The following INVS variants were observed in gnomAD, a reference collection of about 807,000 sequenced individuals.
INVS encodes inversion of embryo turning homolog.
Under a neutral mutation model 108.8 loss-of-function variants are expected in INVS, and 86 were observed. That is an observed-to-expected ratio of 0.79 (90% CI 0.66 to 0.95). The LOEUF is 0.95. INVS is among the 40% of genes least tolerant of loss of function. The pLI, the probability that INVS is intolerant of heterozygous loss-of-function variation, is 0.00. For missense variants in INVS, 1,169 were observed against 1,297.4 expected (o/e 0.90, Z 1.52); for synonymous variants, 455 against 473.5 (o/e 0.96, Z 0.51).
chr9:100,113,489 A>G (rs1015243683), intron 2 of INVS, among the ~76,000 whole-genome samples: 1 of 152,184 alleles, frequency 6.6e-6, no homozygotes, highest in African/African-American at 2.4e-5. Flanking sequence ...ATATATGTCG[A>G]AGTATTGCAA....
At chr9:100,229,145 G>A (rs935877181) in intron 4 of INVS, among the ~76,000 whole-genome samples, 1 of 152,120 alleles carries the variant, frequency 6.6e-6, no homozygotes, top group Admixed American at 6.5e-5. Flanking sequence ...TTCTTATTAA[G>A]TTGAGAGCTT....
chr9:100,243,136 T>C (rs1252223155), intron 7 of INVS, among the ~76,000 whole-genome samples: 1 of 152,172 alleles, frequency 6.6e-6, no homozygotes, highest in Non-Finnish European at 1.5e-5. Flanking sequence ...GAATACTTCA[T>C]CTTTATATTA....
At chr9:100,120,654 T>C (rs137973803) in intron 2 of INVS, 30 of 152,372 alleles carry the variant, frequency 2.0e-4, no homozygotes, top group African/African-American at 7.2e-4. Flanking sequence ...TTTCCTCTCC[T>C]CCTGTAAGGC....
intron 13 of INVS, among the ~76,000 whole-genome samples, chr9:100,289,308 C>G (rs773097803): frequency 2.6e-5 from 4 of 152,234 alleles, no homozygotes; most frequent in Non-Finnish European, 5.9e-5. Flanking sequence ...GCTCTTCGAG[C>G]CTTCACCAGC....
chr9:100,250,241 A>G (rs1406298461), intron 8 of INVS, among the ~76,000 whole-genome samples: 1 of 152,224 alleles, frequency 6.6e-6, no homozygotes, highest in African/African-American at 2.4e-5. Flanking sequence ...ATTCAAAAGT[A>G]GACAGTTGTC....
chr9:100,122,823 A>T (rs913049549), intron 2 of INVS, among the ~76,000 whole-genome samples: 4 of 151,764 alleles, frequency 2.6e-5, no homozygotes, highest in Non-Finnish European at 5.9e-5. Context: ...TGACCTCATG[A>T]TTCGCCCGCC....
chr9:100,180,983 A>G (rs1829871141), intron 3 of INVS, among the ~76,000 whole-genome samples: 1 of 152,196 alleles, frequency 6.6e-6, no homozygotes, highest in Non-Finnish European at 1.5e-5. Flanking sequence ...ACATACACAA[A>G]TCAATAAACA....
At chr9:100,290,119 A>G (rs753241447) in intron 13 of INVS, among the ~76,000 whole-genome samples, 1 of 151,824 alleles carries the variant, frequency 6.6e-6, no homozygotes, top group African/African-American at 2.4e-5. Context: ...TGGGGGTTGC[A>G]TATATGTGAA....
intron 5 of INVS, among the ~76,000 whole-genome samples, chr9:100,234,660 T>G (rs576371464): frequency 6.6e-6 from 1 of 152,196 alleles, no homozygotes; most frequent in Non-Finnish European, 1.5e-5. Context: ...TCAGTTTCCA[T>G]GTAGTTGTGC....
chr9:100,249,033 A>G (rs1376016013), intron 8 of INVS, among the ~76,000 whole-genome samples: 1 of 152,110 alleles, frequency 6.6e-6, no homozygotes, highest in East Asian at 1.9e-4. Flanking sequence ...AGGCAGATGA[A>G]AGCATCATAT....
At chr9:100,293,158 C>A in intron 14 of INVS, 115 bp downstream of exon 14, 2 of 909,442 alleles carry the variant, frequency 2.2e-6, no homozygotes, top group Non-Finnish European at 3.6e-6. Flanking sequence ...ATGGTAAGGC[C>A]AATTTTATAG....
intron 3 of INVS, among the ~76,000 whole-genome samples, chr9:100,171,400 A>T (rs745907871): frequency 3.3e-5 from 5 of 152,194 alleles, no homozygotes; most frequent in Non-Finnish European, 7.3e-5. Flanking sequence ...TATAACATCT[A>T]GGTTTGTGTA....
rs1827820441 is a variant in INVS, at chr9:100,124,383, G to A, written c.107-2000G>A. ...CATAAACTGAGAACCACATCATACAGCAAGGTTATCTTTGCTTTCAATCAT... is the reference window on the plus strand; with the variant it reads ...CATAAACTGAGAACCACATCATACAACAAGGTTATCTTTGCTTTCAATCAT... On this transcript the variant is annotated intron_variant, in intron 2 of 16. Transcript: ENST00000262457. 2.6e-5 allele frequency among the ~76,000 whole-genome samples: 4 copies of A among 151,686 alleles called. 1 individual carries two copies. Among genetic ancestry groups the A allele is most frequent in the Admixed American group, 2.6e-4 (4 of 15,218 alleles).
chr9:100,284,633 C>A, intron 13 of INVS, 30 bp downstream of exon 13: 1 of 1,607,262 alleles, frequency 6.2e-7, no homozygotes, highest in Non-Finnish European at 8.5e-7. Context: ...CATCTTCTGC[C>A]GGCCCATGGA....
intron 3 of INVS, among the ~76,000 whole-genome samples, chr9:100,206,477 A>G (rs2118267328): frequency 6.6e-6 from 1 of 152,206 alleles, no homozygotes; most frequent in African/African-American, 2.4e-5. Context: ...GCACATTTTG[A>G]CACGTGTGCT....
intron 10 of INVS, among the ~76,000 whole-genome samples, chr9:100,257,527 C>A (rs1261297950): frequency 1.3e-5 from 2 of 152,116 alleles, no homozygotes; most frequent in African/African-American, 4.8e-5. Flanking sequence ...ATTTGGCATG[C>A]TTTTGTAGTG....
Position 100,301,280 on chromosome 9 carries a change from T to G in INVS, c.*606T>G, listed in dbSNP as rs905077530. On this transcript the variant is annotated 3_prime_UTR_variant, in exon 17 of 17. Transcript: ENST00000262457. ...TAGAAATTGTCCAAAAGACCATAGATACATTCTGGTGATTCCTTACATTTT... is the reference window on the plus strand; with the variant it reads ...TAGAAATTGTCCAAAAGACCATAGAGACATTCTGGTGATTCCTTACATTTT... 4.6e-5 allele frequency among the ~76,000 whole-genome samples: 7 copies of G among 152,172 alleles called. No individual in the cohort carries two copies.
chr9:100,106,988 G>T (rs912507724), intron 2 of INVS, among the ~76,000 whole-genome samples: 1 of 152,162 alleles, frequency 6.6e-6, no homozygotes, highest in Non-Finnish European at 1.5e-5. Context: ...AAATATTGCT[G>T]TCTGTCACCA....
chr9:100,231,958 A>T (rs1831527004), intron 5 of INVS, among the ~76,000 whole-genome samples: 2 of 152,188 alleles, frequency 1.3e-5, no homozygotes, highest in South Asian at 2.1e-4. Context: ...GTACTAATTT[A>T]CACTCCACCA....
Sources: allele counts gnomAD v4.1 joint callset (sites outside exome capture counted in the v4.1 genomes callset), GRCh38; gene constraint gnomAD v4.1.1; transcripts MANE v1.5; gene names NCBI Gene and HGNC (gene_info 2026-07-23, HGNC 2026-07-21).